Variants in ASIC2 observed in about 807,000 individuals in gnomAD.
ASIC2 encodes the protein acid sensing ion channel subunit 2.
A neutral mutation model predicts 57.3 loss-of-function variants in ASIC2; 25 were observed. The observed-to-expected ratio is 0.44, with a 90% CI of 0.32 to 0.61. The LOEUF is 0.61. Among genes scored for constraint, ASIC2 ranks in the 20% least tolerant of loss-of-function variants. ASIC2 has a pLI of 0.06. For missense variants in ASIC2, 641 were observed against 738.1 expected (o/e 0.87, Z 1.52); for synonymous variants, 319 against 307.5 (o/e 1.04, Z -0.39).
At chr17:34,039,370 C>T (rs1908011569) in intron 1 of ASIC2, 1 of 1,613,930 alleles carries the variant, frequency 6.2e-7, no homozygotes. Context: ...GAGGCCAGCT[C>T]CCCTTTGCGC....
chr17:33,945,017 A>G lies in ASIC2; in HGVS notation c.555+210961T>C, dbSNP rs114589199. ...ACTGGAAACTGTGTATCAGCTCTTA[A>G]GGGCTGAGCAGATGCCTAATTTAAG... is the stretch of plus-strand genomic sequence containing the variant. On this transcript the variant is annotated intron_variant, in intron 1 of 9. Coordinates refer to the ASIC2 transcript ENST00000359872. Among the ~76,000 whole-genome samples the G allele has an allele frequency of 3.5e-3, 529 of 152,272 alleles. 4 individuals carry two copies. The highest frequency in any genetic ancestry group is 0.012 in the African/African-American group (512 of 41,558).
chr17:33,807,578 C>A (rs191614852), intron 1 of ASIC2, among the ~76,000 whole-genome samples: 70 of 152,254 alleles, frequency 4.6e-4, no homozygotes, highest in African/African-American at 1.6e-3. Flanking sequence ...CCTCTTTACT[C>A]TCTTTCTTCT....
intron 1 of ASIC2, among the ~76,000 whole-genome samples, chr17:33,921,982 T>C (rs1413938851): frequency 6.6e-6 from 1 of 152,126 alleles, no homozygotes; most frequent in East Asian, 1.9e-4. Context: ...GGTTTGCCCA[T>C]AGCAGCTGAC....
chr17:33,186,112 C>T (rs66923800), intron 1 of ASIC2, among the ~76,000 whole-genome samples: 10 of 151,936 alleles, frequency 6.6e-5, no homozygotes, highest in African/African-American at 2.4e-4. Flanking sequence ...ATGTTCTACA[C>T]CATTTTTTTT....
intron 1 of ASIC2, among the ~76,000 whole-genome samples, chr17:33,187,013 C>A (rs1004242284): frequency 1.3e-5 from 2 of 152,148 alleles, no homozygotes; most frequent in African/African-American, 4.8e-5. Context: ...AGCTCCAAAG[C>A]ACTTCCCAAA....
intron 1 of ASIC2, among the ~76,000 whole-genome samples, chr17:33,613,874 G>A (rs1384521506): frequency 6.6e-6 from 1 of 152,046 alleles, no homozygotes; most frequent in Non-Finnish European, 1.5e-5. Context: ...CCTACTGAGG[G>A]ACTCTTTGCT....
intron 1 of ASIC2, among the ~76,000 whole-genome samples, chr17:33,258,541 G>A (rs1209414900): frequency 6.6e-6 from 1 of 152,182 alleles, no homozygotes; most frequent in Non-Finnish European, 1.5e-5. Context: ...ATGAACACAG[G>A]AGGAGTATTC....
At chr17:34,062,972 C>T (rs1277398084) in intron 1 of ASIC2, among the ~76,000 whole-genome samples, 1 of 152,140 alleles carries the variant, frequency 6.6e-6, no homozygotes, top group Non-Finnish European at 1.5e-5. Context: ...CCTTTTGACA[C>T]TATTCCACCA....
At chr17:33,839,819 G>A (rs1913380594) in intron 1 of ASIC2, among the ~76,000 whole-genome samples, 1 of 152,162 alleles carries the variant, frequency 6.6e-6, no homozygotes, top group Non-Finnish European at 1.5e-5. Flanking sequence ...AGCAGCAATG[G>A]TTGGTTCCAG....
intron 1 of ASIC2, among the ~76,000 whole-genome samples, chr17:33,432,270 C>A (rs1317516603): frequency 1.3e-5 from 2 of 152,184 alleles, no homozygotes; most frequent in African/African-American, 4.8e-5. Context: ...AATCCTAGCA[C>A]TTTGGGAGGC....
At chr17:33,770,519 A>T (rs1316137164) in intron 1 of ASIC2, among the ~76,000 whole-genome samples, 1 of 152,214 alleles carries the variant, frequency 6.6e-6, no homozygotes, top group Non-Finnish European at 1.5e-5. Context: ...CTGGGCATGA[A>T]GAAGTTCACT....
chr17:33,661,550 T>C (rs1907268328), intron 1 of ASIC2, among the ~76,000 whole-genome samples: 1 of 152,246 alleles, frequency 6.6e-6, no homozygotes, highest in African/African-American at 2.4e-5. Flanking sequence ...TCGGTTTCCC[T>C]ATCTTATTCC....
chr17:33,689,168 C>T (rs1157726795), intron 1 of ASIC2: 1 of 152,216 alleles, frequency 6.6e-6, no homozygotes, highest in Non-Finnish European at 1.5e-5. Context: ...AATGCAAAAT[C>T]TAAATATCCA....
At chr17:33,023,609 A>G (rs1489121107) in intron 6 of ASIC2, among the ~76,000 whole-genome samples, 1 of 151,906 alleles carries the variant, frequency 6.6e-6, no homozygotes, top group African/African-American at 2.4e-5. Context: ...AGCCAAAGTC[A>G]CCCTATATAC....
intron 1 of ASIC2, among the ~76,000 whole-genome samples, chr17:34,011,075 G>GAACACACACACACACACACACA (rs1567786939): frequency 3.8e-4 from 1 of 2,666 alleles, no homozygotes; most frequent in Non-Finnish European, 8.2e-4. Context: ...ATGCCTCCAG[G>GAACACACACACACACACACACA]CAGACACATG....
chr17:34,070,094 T>C (rs1051820961), intron 1 of ASIC2: 1 of 152,006 alleles, frequency 6.6e-6, no homozygotes, highest in Non-Finnish European at 1.5e-5. Context: ...TTAGAGACAG[T>C]TTTTCAGCCT....
chr17:33,634,522 T>C (rs944475378), intron 1 of ASIC2, among the ~76,000 whole-genome samples: 3 of 146,462 alleles, frequency 2.0e-5, no homozygotes, highest in African/African-American at 7.6e-5. Context: ...TTCTTTTTTT[T>C]TTTTTTTTTT....
chr17:34,017,090 A>G (rs1198634119), intron 1 of ASIC2, among the ~76,000 whole-genome samples: 1 of 152,232 alleles, frequency 6.6e-6, no homozygotes, highest in Non-Finnish European at 1.5e-5. Context: ...TTACAAGTTA[A>G]AGGTTATGCA....
At chr17:33,601,792 A>G (rs1905120579) in intron 1 of ASIC2, among the ~76,000 whole-genome samples, 1 of 152,210 alleles carries the variant, frequency 6.6e-6, no homozygotes, top group South Asian at 2.1e-4. Context: ...GGGCTGCCTG[A>G]GGCGTTAGGG....
Sources: allele counts gnomAD v4.1 joint callset (sites outside exome capture counted in the v4.1 genomes callset), GRCh38; gene constraint gnomAD v4.1.1; transcripts MANE v1.5; gene names NCBI Gene and HGNC (gene_info 2026-07-23, HGNC 2026-07-21).